TAF1: variants seen among roughly 807,000 people sequenced by gnomAD.
TAF1 encodes the protein transcription initiation factor TFIID subunit 1.
Under a neutral mutation model 138.5 loss-of-function variants are expected in TAF1, and 2 were observed. The ratio of observed to expected loss-of-function variants is 0.01; its 90% confidence interval spans 0.01 to 0.05. TAF1 has a LOEUF of 0.05. TAF1 is among the 10% of genes least tolerant of loss of function. The pLI, the probability that TAF1 is intolerant of heterozygous loss-of-function variation, is 1.00. For synonymous variants in TAF1, 437 were observed against 503.2 expected (o/e 0.87, Z 1.76); for missense variants, 709 against 1,478.0 (o/e 0.48, Z 8.53).
At chrX:71,431,865 G>A (rs1001608230) in intron 32 of TAF1, among the ~76,000 whole-genome samples, 6 of 105,896 alleles carry the variant, frequency 5.7e-5, no homozygotes, top group Admixed American at 1.0e-4. Context: ...GCAGTGAGCC[G>A]AGATTGCACT....
chrX:71,399,095 A>C (rs1437878399), intron 24 of TAF1, among the ~76,000 whole-genome samples: 4 of 108,735 alleles, frequency 3.7e-5, no homozygotes, highest in Non-Finnish European at 5.7e-5. Context: ...ACGTGCCACC[A>C]CACCCAGATA....
intron 25 of TAF1, among the ~76,000 whole-genome samples, chrX:71,404,618 T>C (rs1286008856): frequency 8.9e-6 from 1 of 111,976 alleles, no homozygotes; most frequent in Non-Finnish European, 1.9e-5. Flanking sequence ...ATTATAGACA[T>C]GAGCTACCAC....
At position 71,458,267 on chromosome X, in the gene TAF1, A is replaced by G. The variant is rs145717268; in HGVS notation, c.4965A>G (p.Thr1655=). The G allele has an allele frequency of 3.3e-6, 4 of 1,210,395 alleles. 1 individual carries two copies. The highest frequency in any genetic ancestry group is 4.5e-6 in the Non-Finnish European group (4 of 895,202). Residue 1655 remains threonine (T), a synonymous_variant, in exon 35 of 38, where the codon ACA becomes ACG. Transcript: ENST00000423759. The stretch of plus-strand genomic sequence containing the variant: ...CTCCTGATTTGTATGATACCAACAC[A>G]TCCCTCAGTATGTCTCGAGATGCCT... The part of the protein sequence containing the change: ...PQPPDLYDTN[T]SLSMSRDASV...
chrX:71,455,385 G>A (rs935524009), intron 34 of TAF1, among the ~76,000 whole-genome samples: 3 of 111,879 alleles, frequency 2.7e-5, no homozygotes, highest in Non-Finnish European at 3.8e-5. Flanking sequence ...GAATGAGAGA[G>A]CAGGATAAAT....
At chrX:71,371,168 T>A (rs1353811182) in intron 3 of TAF1, among the ~76,000 whole-genome samples, 3 of 111,874 alleles carry the variant, frequency 2.7e-5, no homozygotes, top group Non-Finnish European at 5.6e-5. Flanking sequence ...ATGAGCTAAC[T>A]TCCTATAAAA....
chrX:71,442,179 C>T (rs28742603), intron 32 of TAF1, among the ~76,000 whole-genome samples: 1 of 111,829 alleles, frequency 8.9e-6, no homozygotes, highest in Non-Finnish European at 1.9e-5. Flanking sequence ...GAGTATATAC[C>T]CAGTAATGGG....
chrX:71,479,258 G>A (rs970994780), intron 13 of TAF1, among the ~76,000 whole-genome samples: 2 of 111,887 alleles, frequency 1.8e-5, no homozygotes, highest in Non-Finnish European at 3.8e-5. Context: ...AAAAACACGG[G>A]TGAGAAAGCC....
chrX:71,479,422 A>G (rs2147506799), intron 13 of TAF1, among the ~76,000 whole-genome samples: 1 of 111,211 alleles, frequency 9.0e-6, no homozygotes, highest in South Asian at 3.8e-4. Flanking sequence ...AAATACAAAA[A>G]TTAGCCGGGC....
At chrX:71,377,289 A>T in intron 5 of TAF1, 98 bp downstream of exon 5, 1 of 1,126,752 alleles carries the variant, frequency 8.9e-7, no homozygotes, top group Non-Finnish European at 1.2e-6. Context: ...GGGTTTCCTT[A>T]CTCAGTGACA....
rs1312398065 is a variant in TAF1, at chrX:71,382,986, T to C, written c.1774-5T>C. 1 of 1,204,425 alleles carries C rather than the reference T, an allele frequency of 8.3e-7. No individual in the cohort carries two copies. The highest frequency in any genetic ancestry group is 1.8e-5 in the South Asian group (1 of 55,428). On this transcript the variant is annotated splice_polypyrimidine_tract_variant and splice_region_variant and intron_variant, in intron 11 of 37. Coordinates refer to ENST00000423759, the MANE Select transcript of TAF1 (RefSeq NM_004606.5). ...TAATTTTAACCCTTCTATTTCCTGT[T>C]TTAGCATTCAATTCCTGCTGTGGAA... is the stretch of plus-strand genomic sequence containing the variant.
At chrX:71,436,038 CTTTTTTTTT>C (rs780566468) in intron 32 of TAF1, among the ~76,000 whole-genome samples, 6 of 78,422 alleles carry the variant, frequency 7.7e-5, no homozygotes, top group African/African-American at 2.2e-4. Flanking sequence ...ATGCTACCTC[CTTTTTTTTT>C]TTTTTTTTTT....
chrX:71,516,712 G>C (rs1331982391), intron 13 of TAF1, among the ~76,000 whole-genome samples: 1 of 105,603 alleles, frequency 9.5e-6, no homozygotes, highest in African/African-American at 3.5e-5. Context: ...TGTTGTTGTT[G>C]TTGTTGTTTT....
At chrX:71,499,463 A>G (rs1198549428) in intron 13 of TAF1, among the ~76,000 whole-genome samples, 1 of 112,269 alleles carries the variant, frequency 8.9e-6, no homozygotes, top group Non-Finnish European at 1.9e-5. Context: ...TTTAGGATCA[A>G]TTGACCCTCG....
chrX:71,506,626 C>T (rs2039633414), intron 13 of TAF1, among the ~76,000 whole-genome samples: 3 of 103,233 alleles, frequency 2.9e-5, no homozygotes, highest in East Asian at 3.1e-4. Flanking sequence ...ACCCGGGAGG[C>T]GGAGCTTGCA....
intron 13 of TAF1, chrX:71,491,306 C>G (rs767122872): frequency 2.7e-5 from 3 of 109,512 alleles, no homozygotes; most frequent in Non-Finnish European, 5.7e-5. Context: ...CCAGGATGTA[C>G]GGGAGTTTGT....
chrX:71,384,195 CTT>C lies in TAF1; in HGVS notation c.2121+63_2121+64del, dbSNP rs2034071570. The C allele has an allele frequency of 4.4e-6, 5 of 1,148,208 alleles. No homozygotes were observed. The East Asian group carries it at 1.5e-4, about 35-fold the overall frequency. The allele number at this position is 1,148,208 out of a possible 1,213,427, so 94.6% of individuals were successfully genotyped here. A position where few individuals can be genotyped will look rare whatever the true frequency, so the allele number is the denominator to read the frequency against. On this transcript the variant is annotated intron_variant, in intron 13 of 37. Transcript: ENST00000423759. ...ATAATTCTGCTTATGCTTCCATAAACTTTTATGTACAAACTTTTTGTTATTAA... is the reference window on the plus strand; with the variant it reads ...ATAATTCTGCTTATGCTTCCATAAACTTATGTACAAACTTTTTGTTATTAA...
intron 13 of TAF1, among the ~76,000 whole-genome samples, chrX:71,500,604 G>A (rs1393984392): frequency 1.0e-5 from 1 of 97,593 alleles, no homozygotes; most frequent in Non-Finnish European, 2.0e-5. Flanking sequence ...GAATAGTTGT[G>A]CTCACCAACG....
chrX:71,393,883 C>T (rs1016118396), intron 21 of TAF1, among the ~76,000 whole-genome samples, 184 bp from the exon 22 acceptor site: 5 of 112,328 alleles, frequency 4.5e-5, no homozygotes, highest in African/African-American at 6.5e-5. Context: ...AGAGTTACTA[C>T]AATTTTTCAA....
At chrX:71,404,264 G>A (rs957791225) in intron 25 of TAF1, among the ~76,000 whole-genome samples, 1 of 110,539 alleles carries the variant, frequency 9.0e-6, no homozygotes, top group Non-Finnish European at 1.9e-5. Flanking sequence ...GAGCCACCGC[G>A]CCCAGCCTTC....
Sources: gnomAD v4.1 joint callset for allele counts (sites outside exome capture counted in the v4.1 genomes callset) on GRCh38, gnomAD v4.1.1 for gene constraint, MANE v1.5 for transcripts, NCBI Gene and HGNC (gene_info 2026-07-23, HGNC 2026-07-21) for gene names.